Variants in ERLIN2 observed in about 807,000 individuals in gnomAD.
ERLIN2 encodes erlin-2.
In ERLIN2, 22 loss-of-function variants were observed where a neutral mutation model predicts 41.5. The ratio of observed to expected loss-of-function variants is 0.53; its 90% CI spans 0.38 to 0.76. The LOEUF (loss-of-function observed/expected upper bound fraction) is 0.76, where lower values mean the gene tolerates loss of function less well. ERLIN2 is among the 30% of genes least tolerant of loss of function. The pLI is 0.00. For missense variants in ERLIN2, 247 were observed against 414.3 expected (o/e 0.60, Z 3.51); for synonymous variants, 149 against 150.9 (o/e 0.99, Z 0.09).
At chr8:37,745,075 G>A (rs1399076240) in intron 6 of ERLIN2, 1 of 555,668 alleles carries the variant, frequency 1.8e-6, no homozygotes, top group Admixed American at 3.3e-5. Flanking sequence ...TTTAAGCTGA[G>A]GGTACTGTGA....
At position 37,744,335 on chromosome 8, in the gene ERLIN2, G is replaced by A. The variant is rs1260168729; in HGVS notation, c.237-20G>A. On this transcript the variant is annotated intron_variant, in intron 4 of 11. Transcript: ENST00000519638. ...TTCTAAGGCTTCCCAGTGACTTCTT[G>A]TCCATTCTCCCTCCAATAGTGGTGG... 12 of 1,608,652 alleles carry A rather than the reference G, an allele frequency of 7.5e-6. No individual in the cohort carries two copies. The highest frequency in any genetic ancestry group is 1.3e-5 in the African/African-American group (1 of 74,776).
At chr8:37,745,915 G>GA in intron 6 of ERLIN2, 1 of 1,155,138 alleles carries the variant, frequency 8.7e-7, no homozygotes, top group African/African-American at 1.6e-5. Context: ...TAGGACTTGT[G>GA]ACATTACATG....
chr8:37,737,018 C>G, intron 1 of ERLIN2: 1 of 984,488 alleles, frequency 1.0e-6, no homozygotes, highest in Non-Finnish European at 1.2e-6. Flanking sequence ...GTAAAATAAG[C>G]GCCTCGCAGA....
intron 3 of ERLIN2, 73 bp downstream of exon 3, chr8:37,740,519 A>G (rs1443182677): frequency 9.7e-7 from 1 of 1,033,414 alleles, no homozygotes; most frequent in African/African-American, 1.6e-5. Flanking sequence ...ATTTGAAATT[A>G]TTTAGCCATT....
At chr8:37,745,865 T>C (rs1803027794) in intron 6 of ERLIN2, 1 of 1,291,388 alleles carries the variant, frequency 7.7e-7, no homozygotes, top group Middle Eastern at 2.9e-4. Flanking sequence ...CTCAAACTAA[T>C]AGAATTTTAT....
At chr8:37,752,271 G>C (rs536943489) in intron 10 of ERLIN2, among the ~76,000 whole-genome samples, 2 of 152,280 alleles carry the variant, frequency 1.3e-5, no homozygotes, top group East Asian at 3.9e-4. Flanking sequence ...CTGCTTCTAA[G>C]CCTGCACCTC....
chr8:37,754,654 T>G lies in ERLIN2; in HGVS notation c.*539T>G, dbSNP rs886537495. 2.1e-5 allele frequency: 4 copies of G among 186,260 alleles called. No homozygotes were observed. Among genetic ancestry groups the G allele is most frequent in the Non-Finnish European group, 4.6e-5 (4 of 87,602 alleles). 11.5% of individuals were successfully genotyped at this position (186,260 alleles called of 1,614,324 possible). On this transcript the variant is annotated 3_prime_UTR_variant, in exon 12 of 12. Coordinates refer to ENST00000519638, the MANE Select transcript of ERLIN2 (RefSeq NM_007175.8). ...TTGTCTGCATGTGTGTGAGTTATTT[T>G]AGAGGTGTGCTTTCTTGAGCCCTCA... is the stretch of plus-strand genomic sequence containing the variant.
rs1050963131 is a variant in ERLIN2, at chr8:37,755,222, C to T, written c.*1107C>T. 1.3e-5 allele frequency: 2 copies of T among 152,370 alleles called. No individual in the cohort carries two copies. Among genetic ancestry groups the T allele is most frequent in the South Asian group, 2.1e-4 (1 of 4,830 alleles). The allele number at this position is 152,370 out of a possible 1,614,324, so 9.4% of individuals were successfully genotyped here. ...CAAGTCAGGCTGAACATTCAGTCTC[C>T]AGAGACAGCTGTGTGGAGCAAATCA... On this transcript the variant is annotated 3_prime_UTR_variant, in exon 12 of 12. Transcript: ENST00000519638.
rs1398049202 is a variant in ERLIN2, at chr8:37,756,561, C to T, written c.*2446C>T. ...CCACCCCAAGTTTCTATCATTTCCT[C>T]TTTAAACAAAAAATATGTTATCCTA... On this transcript the variant is annotated 3_prime_UTR_variant, in exon 12 of 12. Transcript: ENST00000519638. 6.6e-6 allele frequency: 1 copy of T among 152,580 alleles called. No individual in the cohort carries two copies. Among genetic ancestry groups the T allele is most frequent in the Non-Finnish European group, 1.5e-5 (1 of 68,036 alleles). The allele number at this position is 152,580 out of a possible 1,614,324, so 9.5% of individuals were successfully genotyped here. A position where few individuals can be genotyped will look rare whatever the true frequency, so the allele number is the denominator to read the frequency against.
intron 6 of ERLIN2, 43 bp from the exon 7 acceptor site, chr8:37,749,516 A>G (rs1288168611): frequency 1.4e-6 from 2 of 1,394,462 alleles, no homozygotes; most frequent in Admixed American, 3.3e-5. Flanking sequence ...CCTCATCTAG[A>G]AAGTGTAACA....
chr8:37,739,940 G>C (rs1300582087), intron 2 of ERLIN2, among the ~76,000 whole-genome samples: 1 of 151,878 alleles, frequency 6.6e-6, no homozygotes, highest in Non-Finnish European at 1.5e-5. Flanking sequence ...CAAGTAGCTG[G>C]GACTATAGGC....
intron 6 of ERLIN2, chr8:37,747,474 C>A (rs748760242): frequency 1.9e-5 from 31 of 1,611,732 alleles, no homozygotes; most frequent in Non-Finnish European, 2.6e-5. Flanking sequence ...TCTGTGCATA[C>A]GAGTCAGCAA....
At chr8:37,750,636 T>C (rs560797874) in intron 9 of ERLIN2, 150 bp downstream of exon 9, 72 of 721,130 alleles carry the variant, frequency 1.0e-4, no homozygotes, top group Middle Eastern at 3.7e-4. Flanking sequence ...AGAAACAAAG[T>C]TGAAATTGTC....
intron 2 of ERLIN2, among the ~76,000 whole-genome samples, chr8:37,738,544 C>G (rs1802737012): frequency 6.6e-6 from 1 of 152,158 alleles, no homozygotes; most frequent in Admixed American, 6.5e-5. Flanking sequence ...TTCAGCCAGC[C>G]TGGGTCACAT....
At position 37,743,342 on chromosome 8, in the gene ERLIN2, G is replaced by A. The variant is rs144120897; in HGVS notation, c.237-1013G>A. The stretch of plus-strand genomic sequence containing the variant: ...TCTGAAGGCCCAAAGTCCAAGATCC[G>A]GGTAACAGCAGGGGTAGTTTTGGTG... On this transcript the variant is annotated intron_variant, in intron 4 of 11. Coordinates refer to ENST00000519638, the MANE Select transcript of ERLIN2 (RefSeq NM_007175.8). Among the ~76,000 whole-genome samples, 1,013 of 152,272 alleles carry A rather than the reference G, an allele frequency of 6.7e-3. 5 individuals carry two copies. Among genetic ancestry groups the A allele is most frequent in the African/African-American group, 0.021 (889 of 41,534 alleles).
chr8:37,753,430 C>T lies in ERLIN2; in HGVS notation c.740-20C>T. 1 of 1,607,428 alleles carries T rather than the reference C, an allele frequency of 6.2e-7. No individual in the cohort carries two copies. Among genetic ancestry groups the T allele is most frequent in the Non-Finnish European group, 8.5e-7 (1 of 1,174,028 alleles). On this transcript the variant is annotated intron_variant, in intron 10 of 11. Coordinates refer to ENST00000519638, the MANE Select transcript of ERLIN2 (RefSeq NM_007175.8). ...CAGTTTTAGCACTTCACCAAGTTCA[C>T]TGCACTCCTTCCCCCTCAGATGCTG... is the stretch of plus-strand genomic sequence containing the variant.
intron 6 of ERLIN2, chr8:37,747,594 C>T (rs772476694): frequency 6.2e-7 from 1 of 1,612,122 alleles, no homozygotes; most frequent in Non-Finnish European, 8.5e-7. Flanking sequence ...TCTTAGGAGG[C>T]TCTTGTTTCT....
intron 9 of ERLIN2, 85 bp from the exon 10 acceptor site, chr8:37,751,541 C>T: frequency 8.4e-7 from 1 of 1,186,798 alleles, no homozygotes; most frequent in Non-Finnish European, 1.2e-6. Context: ...CAAGCTGGCC[C>T]ACCAGGACAC....
rs1402869100 is a variant in ERLIN2 at position 37,758,418 on chromosome 8, T to A, written c.*4303T>A. On this transcript the variant is annotated 3_prime_UTR_variant, in exon 12 of 12. Transcript: ENST00000519638. ...AATAAAATGAGTTGCATGGCTTATA[T>A]GAAATAATGCATACGAAGGGCTTTC... The A allele has an allele frequency of 6.6e-6, 1 of 152,170 alleles. No homozygotes were observed. Among genetic ancestry groups the A allele is most frequent in the African/African-American group, 2.4e-5 (1 of 41,426 alleles). 9.4% of individuals were successfully genotyped at this position (152,170 alleles called of 1,614,324 possible). A position where few individuals can be genotyped will look rare whatever the true frequency, so the allele number is the denominator to read the frequency against.
Sources: gnomAD v4.1 joint callset for allele counts (sites outside exome capture counted in the v4.1 genomes callset) on GRCh38, gnomAD v4.1.1 for gene constraint, MANE v1.5 for transcripts, NCBI Gene and HGNC (gene_info 2026-07-23, HGNC 2026-07-21) for gene names.